Variants in CHST11 observed in about 807,000 individuals in gnomAD.
CHST11 encodes C4S-1.
In CHST11, 9 loss-of-function variants were observed where a neutral mutation model predicts 30.4. The ratio of observed to expected loss-of-function variants is 0.30; its 90% CI spans 0.18 to 0.52. CHST11 has a LOEUF of 0.52. Ranked by LOEUF, CHST11 falls within the 20% of genes least tolerant of loss-of-function variation. CHST11 has a pLI of 0.97. For synonymous variants in CHST11, 152 were observed against 187.8 expected (o/e 0.81, Z 1.56); for missense variants, 348 against 460.6 (o/e 0.76, Z 2.24).
At chr12:104,625,623 C>CACTGTTA (rs1248017845) in intron 2 of CHST11, among the ~76,000 whole-genome samples, 3 of 152,144 alleles carry the variant, frequency 2.0e-5, no homozygotes, top group African/African-American at 7.2e-5. Flanking sequence ...TTTTTCTTTC[C>CACTGTTA]ACTGTTAAGA....
chr12:104,722,249 C>T (rs1300373457), intron 2 of CHST11, among the ~76,000 whole-genome samples: 2 of 151,618 alleles, frequency 1.3e-5, no homozygotes, highest in African/African-American at 2.4e-5. Flanking sequence ...GCCATCTGCC[C>T]GCCTTAGCCT....
At chr12:104,488,623 ATGTATGTGTGTG>A (rs939506400) in intron 1 of CHST11, among the ~76,000 whole-genome samples, 1 of 99,842 alleles carries the variant, frequency 1.0e-5, no homozygotes, top group African/African-American at 3.7e-5. Flanking sequence ...GTATGTGTGC[ATGTATGTGTGTG>A]TGCGTGTGTA....
chr12:104,685,903 G>A (rs577190207), intron 2 of CHST11, among the ~76,000 whole-genome samples: 22 of 152,192 alleles, frequency 1.4e-4, no homozygotes, highest in Non-Finnish European at 2.6e-4. Flanking sequence ...AGACTCTGGT[G>A]TTTTCTGATG....
At chr12:104,727,168 A>T (rs1166513256) in intron 2 of CHST11, among the ~76,000 whole-genome samples, 1 of 151,684 alleles carries the variant, frequency 6.6e-6, no homozygotes, top group Non-Finnish European at 1.5e-5. Flanking sequence ...TCTAGAAGGG[A>T]ATGGTTCTAA....
In CHST11 at chr12:104,714,250, G is replaced by T. The variant is rs927020489; in HGVS notation, c.205-42699G>T. On this transcript the variant is annotated intron_variant, in intron 2 of 2. Transcript: ENST00000303694. The stretch of plus-strand genomic sequence containing the variant: ...CTATCACTGAGGCCCCCTCCCTTTG[G>T]CTGGGGAGTGCTTCCTGCTTCCTCT... 3.3e-5 allele frequency among the ~76,000 whole-genome samples: 5 copies of T among 152,330 alleles called. No individual in the cohort carries two copies. The East Asian group carries it at 7.7e-4, about 24-fold the overall frequency.
intron 2 of CHST11, among the ~76,000 whole-genome samples, chr12:104,706,795 A>G (rs192103473): frequency 6.6e-6 from 1 of 152,232 alleles, no homozygotes; most frequent in Admixed American, 6.5e-5. Context: ...CTAATGTTAT[A>G]TTTTAATGTC....
chr12:104,587,375 T>C (rs1029233175), intron 1 of CHST11, among the ~76,000 whole-genome samples: 1 of 152,214 alleles, frequency 6.6e-6, no homozygotes, highest in African/African-American at 2.4e-5. Flanking sequence ...TTTGCCCAAT[T>C]AATGAACAAG....
chr12:104,659,279 TG>T (rs1213560505), intron 2 of CHST11, among the ~76,000 whole-genome samples: 1 of 152,188 alleles, frequency 6.6e-6, no homozygotes, highest in African/African-American at 2.4e-5. Context: ...ATCTGCAAAG[TG>T]GGGTGACAGT....
At chr12:104,584,046 T>C (rs1218629780) in intron 1 of CHST11, among the ~76,000 whole-genome samples, 1 of 152,004 alleles carries the variant, frequency 6.6e-6, no homozygotes, top group African/African-American at 2.4e-5. Context: ...TTCACATCAG[T>C]GGCTGCAGAT....
At chr12:104,710,228 A>G (rs892874053) in intron 2 of CHST11, among the ~76,000 whole-genome samples, 1 of 152,188 alleles carries the variant, frequency 6.6e-6, no homozygotes, top group Non-Finnish European at 1.5e-5. Context: ...TTTCATGTGA[A>G]GCCAAGCCCT....
intron 2 of CHST11, among the ~76,000 whole-genome samples, chr12:104,726,868 C>G (rs1005012367): frequency 1.3e-5 from 2 of 152,170 alleles, no homozygotes; most frequent in African/African-American, 4.8e-5. Context: ...TCTCATCTAT[C>G]TTACAGAATT....
chr12:104,476,380 A>G (rs2037563636), intron 1 of CHST11, among the ~76,000 whole-genome samples: 1 of 151,758 alleles, frequency 6.6e-6, no homozygotes, highest in Non-Finnish European at 1.5e-5. Flanking sequence ...ATATATATTT[A>G]CAAAGATGAA....
At chr12:104,750,824 G>T (rs1022468833) in intron 2 of CHST11, among the ~76,000 whole-genome samples, 2 of 151,824 alleles carry the variant, frequency 1.3e-5, no homozygotes, top group Admixed American at 6.6e-5. Flanking sequence ...TTGAGACAAG[G>T]TGCTTACTGT....
At chr12:104,661,224 A>G (rs527260538) in intron 2 of CHST11, among the ~76,000 whole-genome samples, 1 of 152,254 alleles carries the variant, frequency 6.6e-6, no homozygotes, top group South Asian at 2.1e-4. Flanking sequence ...AAATGAGACA[A>G]TATGTAAAAA....
chr12:104,733,918 A>G (rs981144910), intron 2 of CHST11, among the ~76,000 whole-genome samples: 4 of 152,242 alleles, frequency 2.6e-5, no homozygotes, highest in Non-Finnish European at 5.9e-5. Flanking sequence ...TGATGATGCC[A>G]TGATGGCTGC....
chr12:104,468,557 G>A (rs972842773), intron 1 of CHST11, among the ~76,000 whole-genome samples: 40 of 152,182 alleles, frequency 2.6e-4, no homozygotes, highest in African/African-American at 8.2e-4. Context: ...AAAGATTGGC[G>A]AGAATGATTG....
chr12:104,582,221 G>C (rs907906287), intron 1 of CHST11, among the ~76,000 whole-genome samples: 4 of 152,070 alleles, frequency 2.6e-5, no homozygotes, highest in Non-Finnish European at 5.9e-5. Flanking sequence ...CCATCTTATT[G>C]GTGAGCAAAC....
rs796644521 is a variant in CHST11, at chr12:104,670,471, C to CCG, written c.204+68481_204+68482insGC. Among the ~76,000 whole-genome samples the CCG allele has an allele frequency of 3.9e-4, 58 of 150,272 alleles. 1 individual carries two copies. The highest frequency in any genetic ancestry group is 6.5e-4 in the Non-Finnish European group (44 of 67,764). On this transcript the variant is annotated intron_variant, in intron 2 of 2. Transcript: ENST00000303694. ...CATGTGCAAGTGCATATGTTCAGAC[C>CCG]CACACACACACACACTCACACTCAT...
At chr12:104,745,094 G>A (rs187738816) in intron 2 of CHST11, among the ~76,000 whole-genome samples, 39 of 152,108 alleles carry the variant, frequency 2.6e-4, no homozygotes, top group African/African-American at 8.4e-4. Flanking sequence ...GGCTGTTCTC[G>A]AACTCCTGAC....
Sources: allele counts gnomAD v4.1 joint callset (sites outside exome capture counted in the v4.1 genomes callset), GRCh38; gene constraint gnomAD v4.1.1; transcripts MANE v1.5; gene names NCBI Gene and HGNC (gene_info 2026-07-23, HGNC 2026-07-21).